Variants in RABGAP1 observed in about 807,000 individuals in gnomAD.
RABGAP1 encodes rab GTPase-activating protein 1.
RABGAP1 carries 23 observed loss-of-function variants against 137.6 expected under a neutral mutation model. That is an observed-to-expected ratio of 0.17 (90% confidence interval 0.12 to 0.24). RABGAP1 has a LOEUF of 0.24. Ranked by LOEUF, RABGAP1 falls within the 10% of genes least tolerant of loss-of-function variation. The pLI is 1.00. For missense variants in RABGAP1, 906 were observed against 1,275.8 expected, an observed-to-expected ratio of 0.71 and a Z score of 4.42; for synonymous variants, 451 against 450.7, an observed-to-expected ratio of 1.00 and a Z score of -0.01.
chr9:123,035,260 T>C (rs763093754), intron 13 of RABGAP1: 1 of 1,614,164 alleles, frequency 6.2e-7, no homozygotes, highest in Non-Finnish European at 8.5e-7. Context: ...GCAAGCCCGC[T>C]TCAGCAGCCA....
In RABGAP1 at chr9:122,969,608, C is replaced by T. The variant is rs572687497; in HGVS notation, c.150+12399C>T. Among the ~76,000 whole-genome samples the T allele has an allele frequency of 2.6e-5, 4 of 151,840 alleles. No individual in the cohort carries two copies. The East Asian group carries it at 5.8e-4, about 22-fold the overall frequency. On this transcript the variant is annotated intron_variant, in intron 2 of 25. Transcript: ENST00000373647. The stretch of plus-strand genomic sequence containing the variant: ...TCCTCTCCTTTTTGAAACCTTGTAT[C>T]GTTTCTCAGCCCCTAGTAGAATGAC...
Position 123,020,299 on chromosome 9 carries a change from T to A in RABGAP1, c.1644-10T>A. Reference sequence around the variant, plus strand: ...CTTTTATGATTTATGGTTTATGGCCTTATTTTTAGGCATCTCAACTTGAAT... The same window carrying A: ...CTTTTATGATTTATGGTTTATGGCCATATTTTTAGGCATCTCAACTTGAAT... On this transcript the variant is annotated splice_polypyrimidine_tract_variant and intron_variant, in intron 12 of 25. Coordinates refer to ENST00000373647, the MANE Select transcript of RABGAP1 (RefSeq NM_012197.4). The A allele has an allele frequency of 6.6e-7, 1 of 1,526,038 alleles. No individual in the cohort carries two copies. The highest frequency in any genetic ancestry group is 8.9e-7 in the Non-Finnish European group (1 of 1,128,278). 94.5% of individuals were successfully genotyped at this position (1,526,038 alleles called of 1,614,324 possible). A position where few individuals can be genotyped will look rare whatever the true frequency, so the allele number is the denominator to read the frequency against.
chr9:122,959,164 G>A (rs1309052962), intron 2 of RABGAP1, among the ~76,000 whole-genome samples: 1 of 152,100 alleles, frequency 6.6e-6, no homozygotes, highest in Non-Finnish European at 1.5e-5. Flanking sequence ...AATGAAGTGA[G>A]GAGGAAGGCC....
intron 2 of RABGAP1, among the ~76,000 whole-genome samples, chr9:122,973,162 T>C (rs920283046): frequency 5.9e-5 from 9 of 152,198 alleles, no homozygotes; most frequent in Non-Finnish European, 1.2e-4. Flanking sequence ...GAATCTTAGC[T>C]CTTACCCAAA....
Position 122,973,511 on chromosome 9 carries a change from G to T in RABGAP1, c.151-10974G>T, listed in dbSNP as rs371975253. 5.3e-5 allele frequency among the ~76,000 whole-genome samples: 8 copies of T among 152,050 alleles called. No individual in the cohort carries two copies. In the South Asian group the frequency reaches 8.3e-4, roughly 16 times the overall value. ...GCCTCCCAAAGTGCTGGGATTATAG[G>T]CATGAGCCACCGAGCCTGGCCAGAT... On this transcript the variant is annotated intron_variant, in intron 2 of 25. Coordinates refer to ENST00000373647, the MANE Select transcript of RABGAP1 (RefSeq NM_012197.4).
At chr9:122,944,588 A>T (rs1833831385) in intron 1 of RABGAP1, among the ~76,000 whole-genome samples, 1 of 150,960 alleles carries the variant, frequency 6.6e-6, no homozygotes, top group Non-Finnish European at 1.5e-5. Flanking sequence ...GTGTGGCGGC[A>T]CGATATCAGC....
chr9:122,985,460 A>G (rs1052773890), intron 3 of RABGAP1, among the ~76,000 whole-genome samples: 14 of 152,236 alleles, frequency 9.2e-5, no homozygotes, highest in Admixed American at 9.2e-4. Context: ...AAAATACAAA[A>G]AATTAGCCAG....
At chr9:122,945,163 T>TTTTTTTTTTTTTTTTTTTTTTTGG in intron 1 of RABGAP1, among the ~76,000 whole-genome samples, 1 of 144,216 alleles carries the variant, frequency 6.9e-6, no homozygotes. Context: ...TTTTTTTTTT[T>TTTTTTTTTTTTTTTTTTTTTTTGG]AGCATAAACT....
chr9:123,082,670 T>A (rs1195849587), intron 19 of RABGAP1, among the ~76,000 whole-genome samples: 1 of 152,086 alleles, frequency 6.6e-6, no homozygotes, highest in African/African-American at 2.4e-5. Flanking sequence ...CTGCTTAAGG[T>A]GAAATGGAAT....
At chr9:122,999,678 C>A (rs540024251) in intron 10 of RABGAP1, among the ~76,000 whole-genome samples, 1 of 151,126 alleles carries the variant, frequency 6.6e-6, no homozygotes, top group Admixed American at 6.6e-5. Flanking sequence ...GGGGTTCTTG[C>A]GTTTTTAAAT....
At position 122,997,324 on chromosome 9, in the gene RABGAP1, C is replaced by T. The variant is rs1397901364; in HGVS notation, c.1167C>T (p.Ser389=). 5 of 1,611,304 alleles carry T rather than the reference C, an allele frequency of 3.1e-6. No individual in the cohort carries two copies. Among genetic ancestry groups the T allele is most frequent in the Non-Finnish European group, 4.2e-6 (5 of 1,178,600 alleles). ...YVITGSWNPK[S]PHFQVVNEET... The stretch of plus-strand genomic sequence containing the variant: ...TTACGGGGAGCTGGAATCCAAAATC[C>T]CCACATTTTCAAGTTGTAAATGAAG... The change falls in exon 9 of 26, where the codon TCC becomes TCT. Residue 389 remains serine, a synonymous_variant. Transcript: ENST00000373647.
chr9:123,028,131 C>T (rs1024035952), intron 13 of RABGAP1, among the ~76,000 whole-genome samples: 1 of 152,156 alleles, frequency 6.6e-6, no homozygotes, highest in African/African-American at 2.4e-5. Flanking sequence ...TTTCATATGC[C>T]TCGACCTAAT....
intron 13 of RABGAP1, among the ~76,000 whole-genome samples, chr9:123,040,171 A>G (rs1381274609): frequency 6.6e-6 from 1 of 152,202 alleles, no homozygotes; most frequent in African/African-American, 2.4e-5. Context: ...TCTGTCTTCC[A>G]GGAAGCCTCA....
intron 21 of RABGAP1, 73 bp from the exon 22 acceptor site, chr9:123,097,668 A>T (rs2035223514): frequency 1.6e-6 from 2 of 1,274,638 alleles, no homozygotes; most frequent in African/African-American, 1.5e-5. Context: ...TTAAAATGGG[A>T]TTATGCTAAG....
intron 1 of RABGAP1, among the ~76,000 whole-genome samples, chr9:122,942,097 C>T (rs1833608357): frequency 6.6e-6 from 1 of 152,184 alleles, no homozygotes; most frequent in South Asian, 2.1e-4. Flanking sequence ...CATGTATTTA[C>T]AAACGTGTGC....
intron 10 of RABGAP1, among the ~76,000 whole-genome samples, chr9:123,007,577 A>C (rs1444877173): frequency 3.2e-5 from 4 of 124,982 alleles, no homozygotes; most frequent in African/African-American, 1.1e-4. Context: ...TTTTTTTTTA[A>C]GAAAGAGATG....
chr9:123,097,702 C>A, intron 21 of RABGAP1, 39 bp from the exon 22 acceptor site: 1 of 1,548,826 alleles, frequency 6.5e-7, no homozygotes, highest in South Asian at 1.2e-5. Flanking sequence ...TTGCAGTTCC[C>A]AATTCTTGTT....
At chr9:123,101,525 TTCC>T in intron 24 of RABGAP1, 38 bp from the exon 25 acceptor site, 1 of 1,578,754 alleles carries the variant, frequency 6.3e-7, no homozygotes, top group South Asian at 1.1e-5. Context: ...AAAGGGCCAG[TTCC>T]TCTTCTTTGC....
intron 13 of RABGAP1, among the ~76,000 whole-genome samples, chr9:123,051,738 A>G (rs2033482257): frequency 6.8e-6 from 1 of 146,380 alleles, no homozygotes; most frequent in Admixed American, 6.9e-5. Flanking sequence ...CTAGAAGAGA[A>G]AAGCTATTTT....
Sources: allele counts gnomAD v4.1 joint callset (sites outside exome capture counted in the v4.1 genomes callset), GRCh38; gene constraint gnomAD v4.1.1; transcripts MANE v1.5; gene names NCBI Gene and HGNC (gene_info 2026-07-23, HGNC 2026-07-21).